The following GMDS variants were observed in gnomAD, a reference collection of about 807,000 sequenced individuals.
The protein encoded by GMDS is GDP-mannose 4,6-dehydratase, also known as GDP-mannose 4,6 dehydratase.
A neutral mutation model predicts 49.9 loss-of-function variants in GMDS; 20 were observed. The ratio of observed to expected loss-of-function variants is 0.40; its 90% confidence interval spans 0.28 to 0.58. The LOEUF (loss-of-function observed/expected upper bound fraction) is 0.58. Ranked by LOEUF, GMDS falls within the 20% of genes least tolerant of loss-of-function variation. GMDS has a pLI of 0.42. For missense variants in GMDS, 362 were observed against 481.4 expected (o/e 0.75, Z 2.32); for synonymous variants, 177 against 178.6 (o/e 0.99, Z 0.07).
chr6:1,844,193 G>A (rs1332558291), intron 7 of GMDS, among the ~76,000 whole-genome samples: 1 of 152,146 alleles, frequency 6.6e-6, no homozygotes, highest in African/African-American at 2.4e-5. Context: ...GAATAGCAGA[G>A]CTGGGGTTTA....
At chr6:1,634,909 C>T (rs537455130) in intron 9 of GMDS, among the ~76,000 whole-genome samples, 4 of 152,108 alleles carry the variant, frequency 2.6e-5, no homozygotes, top group Admixed American at 1.3e-4. Context: ...GGGTTGGAGG[C>T]GGTGGTGGGG....
chr6:1,876,407 A>C (rs1759065092), intron 7 of GMDS, among the ~76,000 whole-genome samples: 3 of 152,260 alleles, frequency 2.0e-5, no homozygotes, highest in Non-Finnish European at 2.9e-5. Flanking sequence ...CTTTAACCTA[A>C]GGATGTAATC....
intron 6 of GMDS, among the ~76,000 whole-genome samples, chr6:1,944,453 C>T (rs537902209): frequency 4.0e-5 from 6 of 151,702 alleles, no homozygotes; most frequent in Admixed American, 1.3e-4. Flanking sequence ...TGCAGTGAGC[C>T]GAGATGGCGC....
At chr6:1,910,018 G>A (rs1760969274) in intron 7 of GMDS, among the ~76,000 whole-genome samples, 1 of 152,126 alleles carries the variant, frequency 6.6e-6, no homozygotes, top group Admixed American at 6.5e-5. Flanking sequence ...ACTGGATTTT[G>A]AAGACGTCGT....
intron 4 of GMDS, among the ~76,000 whole-genome samples, chr6:2,102,473 G>T (rs1471858136): frequency 6.6e-6 from 1 of 152,126 alleles, no homozygotes. Flanking sequence ...CTTGAGACAC[G>T]ATTCTTTTGA....
At chr6:2,064,442 T>C (rs1771404018) in intron 4 of GMDS, among the ~76,000 whole-genome samples, 1 of 152,186 alleles carries the variant, frequency 6.6e-6, no homozygotes. Context: ...GCTTACATAC[T>C]TGATGCAAAA....
chr6:2,158,992 GA>G (rs1562107287), intron 1 of GMDS, among the ~76,000 whole-genome samples: 1 of 152,178 alleles, frequency 6.6e-6, no homozygotes, highest in African/African-American at 2.4e-5. Context: ...GGTTTAGAAG[GA>G]AGATAAGTAA....
chr6:1,948,795 A>G (rs1241147570), intron 6 of GMDS, among the ~76,000 whole-genome samples: 1 of 152,234 alleles, frequency 6.6e-6, no homozygotes, highest in East Asian at 1.9e-4. Flanking sequence ...TAACTGGTTT[A>G]CCTGCCAAAA....
intron 1 of GMDS, among the ~76,000 whole-genome samples, chr6:2,162,529 G>T (rs765448145): frequency 1.9e-4 from 29 of 152,034 alleles, no homozygotes; most frequent in South Asian, 4.2e-4. Flanking sequence ...AGACCTTATT[G>T]TTTTTTCTAG....
At chr6:1,664,917 C>G (rs1203398617) in intron 9 of GMDS, among the ~76,000 whole-genome samples, 3 of 152,088 alleles carry the variant, frequency 2.0e-5, no homozygotes, top group Non-Finnish European at 4.4e-5. Context: ...CTATTGTTCA[C>G]CAGGATCGCT....
At chr6:2,141,323 C>T (rs1336106068) in intron 1 of GMDS, among the ~76,000 whole-genome samples, 1 of 152,214 alleles carries the variant, frequency 6.6e-6, no homozygotes, top group Non-Finnish European at 1.5e-5. Context: ...GACCTCAAAA[C>T]TGACCAGCTT....
intron 1 of GMDS, among the ~76,000 whole-genome samples, chr6:2,223,513 A>G (rs1045185953): frequency 6.6e-6 from 1 of 152,092 alleles, no homozygotes; most frequent in African/African-American, 2.4e-5. Context: ...GGAGGTTACT[A>G]TAACAGCCCA....
At chr6:2,011,220 G>A (rs906309111) in intron 4 of GMDS, among the ~76,000 whole-genome samples, 1 of 152,068 alleles carries the variant, frequency 6.6e-6, no homozygotes, top group Admixed American at 6.6e-5. Flanking sequence ...TCTCTAATCA[G>A]GGAAATGCAA....
intron 4 of GMDS, among the ~76,000 whole-genome samples, chr6:2,055,417 G>C (rs1770721466): frequency 6.6e-6 from 1 of 152,056 alleles, no homozygotes; most frequent in Admixed American, 6.5e-5. Flanking sequence ...CATCAACAAT[G>C]AAGAAAATCA....
At chr6:2,111,490 A>G (rs1774541868) in intron 4 of GMDS, among the ~76,000 whole-genome samples, 1 of 152,188 alleles carries the variant, frequency 6.6e-6, no homozygotes, top group South Asian at 2.1e-4. Context: ...TCCAAGAACC[A>G]ATTTCATCTT....
chr6:1,788,990 C>A (rs2113630350), intron 7 of GMDS, among the ~76,000 whole-genome samples: 1 of 152,288 alleles, frequency 6.6e-6, no homozygotes, highest in Non-Finnish European at 1.5e-5. Context: ...GCACTTATAA[C>A]CAACTGGTTA....
At chr6:2,009,836 C>G (rs560869847) in intron 4 of GMDS, among the ~76,000 whole-genome samples, 2 of 152,300 alleles carry the variant, frequency 1.3e-5, no homozygotes, top group South Asian at 2.1e-4. Context: ...TTACTGTACT[C>G]TCCAAAACAG....
intron 1 of GMDS, among the ~76,000 whole-genome samples, chr6:2,207,892 C>T (rs1779875808): frequency 6.6e-6 from 1 of 151,836 alleles, no homozygotes; most frequent in African/African-American, 2.4e-5. Context: ...GAGAAGATTT[C>T]TCTAAAACAG....
intron 4 of GMDS, among the ~76,000 whole-genome samples, chr6:1,972,188 A>G (rs999571116): frequency 6.6e-6 from 1 of 151,850 alleles, no homozygotes; most frequent in African/African-American, 2.4e-5. Flanking sequence ...ATATAATTTT[A>G]AAATAAATTC....
Sources: gnomAD v4.1 joint callset for allele counts (sites outside exome capture counted in the v4.1 genomes callset) on GRCh38, gnomAD v4.1.1 for gene constraint, MANE v1.5 for transcripts, NCBI Gene and HGNC (gene_info 2026-07-23, HGNC 2026-07-21) for gene names.